BNC2: variants seen among roughly 807,000 people sequenced by gnomAD.
BNC2 encodes zinc finger protein basonuclin-2.
BNC2 carries 20 observed loss-of-function variants against 76.3 expected under a neutral mutation model. The observed-to-expected ratio is 0.26, with a 90% CI of 0.18 to 0.38. BNC2 has a LOEUF of 0.38. Ranked by LOEUF, BNC2 falls within the 10% of genes least tolerant of loss-of-function variation. The pLI, the probability that BNC2 is intolerant of heterozygous loss-of-function variation, is 1.00. For missense variants in BNC2, 1,382 were observed against 1,399.8 expected (o/e 0.99, Z 0.20); for synonymous variants, 582 against 514.8 (o/e 1.13, Z -1.77).
At chr9:16,462,874 T>C (rs1015726381) in intron 5 of BNC2, among the ~76,000 whole-genome samples, 3 of 152,208 alleles carry the variant, frequency 2.0e-5, no homozygotes, top group African/African-American at 7.2e-5. Context: ...AGATCCTGAA[T>C]GACCCCAGCT....
At chr9:16,750,668 T>C (rs1306693807) in intron 1 of BNC2, among the ~76,000 whole-genome samples, 1 of 152,226 alleles carries the variant, frequency 6.6e-6, no homozygotes, top group Non-Finnish European at 1.5e-5. Flanking sequence ...TATCTCTGAA[T>C]TAGACCGTAA....
chr9:16,673,449 C>T (rs1462148662), intron 3 of BNC2, among the ~76,000 whole-genome samples: 2 of 150,594 alleles, frequency 1.3e-5, no homozygotes, highest in Non-Finnish European at 1.5e-5. Context: ...AAAAAACACA[C>T]ACACACACAC....
chr9:16,482,806 C>T (rs1288205762), intron 5 of BNC2, among the ~76,000 whole-genome samples: 2 of 152,192 alleles, frequency 1.3e-5, no homozygotes, highest in Admixed American at 6.5e-5. Context: ...CTGGACCAGA[C>T]TGGGGTCTCA....
At chr9:16,452,862 T>C (rs144616218) in intron 5 of BNC2, among the ~76,000 whole-genome samples, 4 of 152,206 alleles carry the variant, frequency 2.6e-5, no homozygotes, top group Admixed American at 2.0e-4. Flanking sequence ...ATCTGTTCAA[T>C]CTATTTTATA....
chr9:16,754,611 G>A (rs1412327514), intron 1 of BNC2, among the ~76,000 whole-genome samples: 8 of 151,612 alleles, frequency 5.3e-5, no homozygotes, highest in Non-Finnish European at 1.2e-4. Context: ...AGGCTGTAGT[G>A]CAGTGGCACA....
intron 6 of BNC2, among the ~76,000 whole-genome samples, chr9:16,421,497 G>C (rs1396038506): frequency 1.3e-5 from 2 of 152,186 alleles, no homozygotes; most frequent in Non-Finnish European, 2.9e-5. Flanking sequence ...ATGATTTTCA[G>C]ATCAGCTGTA....
intron 1 of BNC2, among the ~76,000 whole-genome samples, chr9:16,781,795 A>G (rs560454814): frequency 6.6e-6 from 1 of 152,336 alleles, no homozygotes; most frequent in African/African-American, 2.4e-5. Context: ...ATTAAAATTG[A>G]TATTTTACAA....
chr9:16,480,052 C>T (rs368389088), intron 5 of BNC2, among the ~76,000 whole-genome samples: 2 of 152,170 alleles, frequency 1.3e-5, no homozygotes, highest in Non-Finnish European at 1.5e-5. Flanking sequence ...GTTCATTCAA[C>T]ACATGTAACA....
chr9:16,842,429 A>T (rs1436006597), intron 1 of BNC2, among the ~76,000 whole-genome samples: 1 of 152,198 alleles, frequency 6.6e-6, no homozygotes, highest in African/African-American at 2.4e-5. Flanking sequence ...ATATTATTAT[A>T]CCTATTTTAT....
chr9:16,869,138 G>A (rs890375296), intron 1 of BNC2, among the ~76,000 whole-genome samples: 1 of 151,932 alleles, frequency 6.6e-6, no homozygotes, highest in Non-Finnish European at 1.5e-5. Flanking sequence ...AAACTCTCAA[G>A]CTCTAAACAG....
intron 5 of BNC2, among the ~76,000 whole-genome samples, chr9:16,532,680 ACTT>A (rs1467645473): frequency 6.6e-6 from 1 of 152,228 alleles, no homozygotes; most frequent in Admixed American, 6.5e-5. Flanking sequence ...AAAATTCATC[ACTT>A]CTAATTATTT....
chr9:16,674,464 A>T (rs924655163), intron 3 of BNC2, among the ~76,000 whole-genome samples: 1 of 152,196 alleles, frequency 6.6e-6, no homozygotes, highest in Non-Finnish European at 1.5e-5. Context: ...TCCTGGTGTC[A>T]TGATTATTTT....
At chr9:16,693,167 A>AG (rs1285820762) in intron 3 of BNC2, among the ~76,000 whole-genome samples, 2 of 145,420 alleles carry the variant, frequency 1.4e-5, no homozygotes, top group African/African-American at 5.0e-5. Flanking sequence ...CTGGGGGATG[A>AG]GGGGGTGAGA....
At chr9:16,735,412 A>G (rs1270259627) in intron 2 of BNC2, among the ~76,000 whole-genome samples, 2 of 152,232 alleles carry the variant, frequency 1.3e-5, no homozygotes, top group African/African-American at 4.8e-5. Flanking sequence ...AAAAAAAAAA[A>G]AAAAACAGGC....
At chr9:16,539,767 A>AGGAAG (rs1380066245) in intron 5 of BNC2, among the ~76,000 whole-genome samples, 2 of 81,940 alleles carry the variant, frequency 2.4e-5, no homozygotes, top group Non-Finnish European at 4.7e-5. Flanking sequence ...AGGAAAGGAA[A>AGGAAG]AGAAAGGAAA....
intron 5 of BNC2, among the ~76,000 whole-genome samples, chr9:16,512,671 T>A (rs768741244): frequency 6.6e-6 from 1 of 152,204 alleles, no homozygotes; most frequent in Non-Finnish European, 1.5e-5. Context: ...CTATAAAACT[T>A]TGATGTTTTA....
chr9:16,452,932 G>C (rs924136232), intron 5 of BNC2, among the ~76,000 whole-genome samples: 1 of 152,096 alleles, frequency 6.6e-6, no homozygotes, highest in Non-Finnish European at 1.5e-5. Context: ...AATGTAATCA[G>C]TTGCTCAAAA....
At chr9:16,532,087 A>T (rs78861823) in intron 5 of BNC2, among the ~76,000 whole-genome samples, 5,551 of 151,982 alleles carry the variant, frequency 0.037, 186 homozygotes, top group South Asian at 0.17. Flanking sequence ...GTTAACACAT[A>T]AATTATCAAT....
intron 5 of BNC2, among the ~76,000 whole-genome samples, chr9:16,543,266 T>C (rs1818379541): frequency 6.6e-6 from 1 of 152,176 alleles, no homozygotes; most frequent in Admixed American, 6.5e-5. Flanking sequence ...ATCAAGAAAA[T>C]ACGGCTCATA....
Sources: allele counts gnomAD v4.1 joint callset (sites outside exome capture counted in the v4.1 genomes callset), GRCh38; gene constraint gnomAD v4.1.1; transcripts MANE v1.5; gene names NCBI Gene and HGNC (gene_info 2026-07-23, HGNC 2026-07-21).